Variants in RRAS2 observed in about 807,000 individuals in gnomAD.
RRAS2 encodes ras-related protein R-Ras2.
A neutral mutation model predicts 27.6 loss-of-function variants in RRAS2; 7 were observed. The ratio of observed to expected loss-of-function variants is 0.25; its 90% CI spans 0.14 to 0.48. The LOEUF is 0.48. Ranked by LOEUF, RRAS2 falls within the 20% of genes least tolerant of loss-of-function variation. RRAS2 has a pLI of 0.99. For synonymous variants in RRAS2, 86 were observed against 90.9 expected, an observed-to-expected ratio of 0.95 and a Z score of 0.31; for missense variants, 178 against 256.2, an observed-to-expected ratio of 0.69 and a Z score of 2.08.
chr11:14,315,318 T>C (rs936303351), intron 1 of RRAS2, among the ~76,000 whole-genome samples: 4 of 152,184 alleles, frequency 2.6e-5, no homozygotes, highest in Admixed American at 1.3e-4. Flanking sequence ...AAAACGGTAC[T>C]TCACCTCTGT....
At chr11:14,302,590 GA>G (rs1847743923) in intron 1 of RRAS2, among the ~76,000 whole-genome samples, 1 of 152,184 alleles carries the variant, frequency 6.6e-6, no homozygotes, top group Non-Finnish European at 1.5e-5. Flanking sequence ...TGGCAGCAAA[GA>G]AGTTGTAAGA....
intron 1 of RRAS2, among the ~76,000 whole-genome samples, chr11:14,318,306 C>CT (rs1342389660): frequency 6.6e-6 from 1 of 152,070 alleles, no homozygotes; most frequent in African/African-American, 2.4e-5. Flanking sequence ...CAAGACCAGT[C>CT]TGGCCAACAT....
intron 2 of RRAS2, among the ~76,000 whole-genome samples, 161 bp from the exon 3 acceptor site, chr11:14,295,023 A>C (rs910449034): frequency 6.6e-6 from 1 of 152,210 alleles, no homozygotes; most frequent in African/African-American, 2.4e-5. Context: ...CTAAAGGCAA[A>C]TATATTCTAA....
At chr11:14,361,565 C>T (rs375900690), upstream of RRAS2, among the ~76,000 whole-genome samples, 5 of 152,172 alleles carry the variant, frequency 3.3e-5, no homozygotes, top group Non-Finnish European at 5.9e-5. Flanking sequence ...TTCACACACA[C>T]GAGGATGACT....
chr11:14,307,933 A>C (rs1554948352), intron 1 of RRAS2, among the ~76,000 whole-genome samples: 1 of 152,194 alleles, frequency 6.6e-6, no homozygotes, highest in African/African-American at 2.4e-5. Flanking sequence ...CTGCACATAT[A>C]AGAAATGATA....
At chr11:14,325,332 GAC>G (rs1848328988) in intron 1 of RRAS2, among the ~76,000 whole-genome samples, 1 of 135,068 alleles carries the variant, frequency 7.4e-6, no homozygotes, top group Non-Finnish European at 1.6e-5. Flanking sequence ...TTTTTTTTGA[GAC>G]AGAGTCTCGC....
At chr11:14,341,280 C>T (rs1848699843) in intron 1 of RRAS2, among the ~76,000 whole-genome samples, 1 of 152,136 alleles carries the variant, frequency 6.6e-6, no homozygotes, top group Non-Finnish European at 1.5e-5. Flanking sequence ...GGTAAACCTA[C>T]CTCAAACTAC....
intron 1 of RRAS2, among the ~76,000 whole-genome samples, chr11:14,331,099 A>T (rs528295062): frequency 3.7e-4 from 56 of 152,288 alleles, no homozygotes; most frequent in African/African-American, 1.3e-3. Context: ...CAGATTTTTA[A>T]AGAACATAAA....
chr11:14,304,336 C>T (rs148193241), intron 1 of RRAS2, among the ~76,000 whole-genome samples: 1 of 152,316 alleles, frequency 6.6e-6, no homozygotes, highest in African/African-American at 2.4e-5. Flanking sequence ...ATACTAATAG[C>T]TCTTTCCAAA....
intron 1 of RRAS2, among the ~76,000 whole-genome samples, chr11:14,299,306 CGTT>C (rs1847637443): frequency 6.6e-6 from 1 of 152,108 alleles, no homozygotes; most frequent in Non-Finnish European, 1.5e-5. Flanking sequence ...GGTATCCAAA[CGTT>C]GTGAATCAAG....
chr11:14,288,551 C>T (rs1453669354), intron 4 of RRAS2, among the ~76,000 whole-genome samples: 1 of 152,154 alleles, frequency 6.6e-6, no homozygotes, highest in African/African-American at 2.4e-5. Context: ...CCTAGAGGTT[C>T]CTCAACCCAG....
At chr11:14,361,879 A>T (rs1329849693), upstream of RRAS2, among the ~76,000 whole-genome samples, 1 of 152,228 alleles carries the variant, frequency 6.6e-6, no homozygotes, top group African/African-American at 2.4e-5. Flanking sequence ...AATGTCGTAT[A>T]GCCACGCAAT....
At chr11:14,310,019 G>C (rs767498501) in intron 1 of RRAS2, among the ~76,000 whole-genome samples, 11 of 152,212 alleles carry the variant, frequency 7.2e-5, no homozygotes, top group Non-Finnish European at 1.3e-4. Context: ...AGCTTGAAGG[G>C]AGGTGACTGG....
chr11:14,339,567 C>G (rs187706288), intron 1 of RRAS2, among the ~76,000 whole-genome samples: 3 of 152,072 alleles, frequency 2.0e-5, no homozygotes, highest in African/African-American at 4.8e-5. Context: ...TCTAGCAATA[C>G]CTGCTGATTG....
chr11:14,319,453 G>C (rs1206165963), intron 1 of RRAS2, among the ~76,000 whole-genome samples: 1 of 138,776 alleles, frequency 7.2e-6, no homozygotes, highest in African/African-American at 2.6e-5. Context: ...CCACTTCCCG[G>C]GTTCACGCCA....
intron 2 of RRAS2, among the ~76,000 whole-genome samples, chr11:14,295,211 C>T (rs1028137883): frequency 6.6e-6 from 1 of 152,116 alleles, no homozygotes; most frequent in African/African-American, 2.4e-5. Context: ...AAAAAGATAC[C>T]TGTAAATTCA....
At chr11:14,280,233 A>T (rs1849486155) in intron 5 of RRAS2, among the ~76,000 whole-genome samples, 1 of 152,108 alleles carries the variant, frequency 6.6e-6, no homozygotes, top group Non-Finnish European at 1.5e-5. Flanking sequence ...CATCATCGCC[A>T]TCCATCTCCA....
intron 1 of RRAS2, among the ~76,000 whole-genome samples, chr11:14,328,148 A>C (rs1554951309): frequency 6.6e-6 from 1 of 152,116 alleles, no homozygotes; most frequent in East Asian, 1.9e-4. Flanking sequence ...CAGGCGGATC[A>C]CCTGAGGTCA....
chr11:14,316,913 TTA>T (rs1848120621), intron 1 of RRAS2, among the ~76,000 whole-genome samples: 1 of 152,198 alleles, frequency 6.6e-6, no homozygotes, highest in Non-Finnish European at 1.5e-5. Flanking sequence ...AGGAGTCTAC[TTA>T]TAGTCAAGTA....
Sources: gnomAD v4.1 joint callset for allele counts (sites outside exome capture counted in the v4.1 genomes callset) on GRCh38, gnomAD v4.1.1 for gene constraint, MANE v1.5 for transcripts, NCBI Gene and HGNC (gene_info 2026-07-23, HGNC 2026-07-21) for gene names.